Variants in CFAP36 observed in about 807,000 individuals in gnomAD.
The protein encoded by CFAP36 is cilia and flagella associated protein 36.
CFAP36 carries 37 observed loss-of-function variants against 50.5 expected under a neutral mutation model. That is an observed-to-expected ratio of 0.73 (90% CI 0.56 to 0.96). The LOEUF is 0.96. CFAP36 is among the 50% of genes least tolerant of loss of function. The pLI is 0.00. For missense variants in CFAP36, 407 were observed against 396.2 expected, an observed-to-expected ratio of 1.03 and a Z score of -0.23; for synonymous variants, 138 against 128.2, an observed-to-expected ratio of 1.08 and a Z score of -0.52.
At position 55,536,907 on chromosome 2, in the gene CFAP36, G is replaced by A. The variant is rs1396523963; in HGVS notation, c.538-576G>A. ...TTATAGGTGCCTGCCACCACTCTTG[G>A]CTAATTTTTGTACTTTTAGTAGACA... On this transcript the variant is annotated intron_variant, in intron 6 of 9. Transcript: ENST00000349456. Among the ~76,000 whole-genome samples the A allele has an allele frequency of 3.0e-5, 3 of 100,504 alleles. No individual in the cohort carries two copies. The East Asian group carries it at 6.6e-4, about 22-fold the overall frequency. The allele number at this position is 100,504 out of a possible 152,430, so 65.9% of individuals were successfully genotyped here.
At chr2:55,534,032 C>A in intron 5 of CFAP36, 72 bp downstream of exon 5, 1 of 825,880 alleles carries the variant, frequency 1.2e-6, no homozygotes, top group Non-Finnish European at 1.9e-6. Context: ...GCTTTTTGCC[C>A]AACAAATATG....
rs576310368 is a variant in CFAP36, at chr2:55,544,810, G to A, written c.928-97G>A. On this transcript the variant is annotated intron_variant, in intron 9 of 9. Coordinates refer to ENST00000349456, the MANE Select transcript of CFAP36 (RefSeq NM_080667.7). ...TGTCTCTCCCTCCGTCCCACAAGAA[G>A]GTGCCCCCGATTTTTGTTCATTTGA... 508 of 704,640 alleles carry A rather than the reference G, an allele frequency of 7.2e-4. 1 individual carries two copies. The highest frequency in any genetic ancestry group is 1.2e-4 in the Non-Finnish European group (52 of 416,360). 43.6% of individuals were successfully genotyped at this position (704,640 alleles called of 1,614,324 possible).
chr2:55,519,745 T>C lies in CFAP36; in HGVS notation c.-57T>C. On this transcript the variant is annotated 5_prime_UTR_variant, in exon 1 of 10. Transcript: ENST00000349456. Reference sequence around the variant, plus strand: ...CTCGGCTCCTTGTGGCCCAAAGGCCTAACCGGGGTCCGGCGGTCTGGCCTA... The same window carrying C: ...CTCGGCTCCTTGTGGCCCAAAGGCCCAACCGGGGTCCGGCGGTCTGGCCTA... 6.3e-7 allele frequency: 1 copy of C among 1,578,036 alleles called. No homozygotes were observed. Among genetic ancestry groups the C allele is most frequent in the Non-Finnish European group, 8.7e-7 (1 of 1,147,998 alleles).
chr2:55,538,217 T>C (rs1208883195), intron 7 of CFAP36, among the ~76,000 whole-genome samples: 11 of 152,184 alleles, frequency 7.2e-5, no homozygotes. Flanking sequence ...ATTCCTATGG[T>C]TTTAAATAAA....
At chr2:55,542,603 A>G (rs946862144) in intron 7 of CFAP36, among the ~76,000 whole-genome samples, 1 of 152,190 alleles carries the variant, frequency 6.6e-6, no homozygotes, top group Non-Finnish European at 1.5e-5. Flanking sequence ...GGCTTCAAGT[A>G]CTTTCCTTTC....
chr2:55,528,171 A>C (rs1445415782), intron 3 of CFAP36, among the ~76,000 whole-genome samples: 1 of 148,400 alleles, frequency 6.7e-6, no homozygotes, highest in Non-Finnish European at 1.5e-5. Context: ...TGTTTTATAG[A>C]ATTATAAGGA....
rs763080220 is a variant in CFAP36 at position 55,522,173 on chromosome 2, AT to A, written c.180+15del. 1.4e-4 allele frequency: 202 copies of A among 1,447,358 alleles called. No individual in the cohort carries two copies. Among genetic ancestry groups the A allele is most frequent in the African/African-American group, 4.0e-4 (28 of 70,230 alleles). The allele number at this position is 1,447,358 out of a possible 1,614,324, so 89.7% of individuals were successfully genotyped here. A position where few individuals can be genotyped will look rare whatever the true frequency, so the allele number is the denominator to read the frequency against. ...TCAGGAATACAAAGAACTAGTGAGT[AT>A]TTTTTTTCACTGATTTTTAAAAGTA... On this transcript the variant is annotated splice_region_variant and intron_variant, in intron 2 of 9. Coordinates refer to ENST00000349456, the MANE Select transcript of CFAP36 (RefSeq NM_080667.7).
At chr2:55,540,169 G>A (rs1684596980) in intron 7 of CFAP36, among the ~76,000 whole-genome samples, 1 of 152,140 alleles carries the variant, frequency 6.6e-6, no homozygotes, top group Non-Finnish European at 1.5e-5. Context: ...TTCATAGGGT[G>A]TGCCTTTGGT....
intron 7 of CFAP36, among the ~76,000 whole-genome samples, chr2:55,537,981 A>T (rs1039774670): frequency 2.4e-4 from 37 of 152,216 alleles, no homozygotes; most frequent in Admixed American, 2.0e-3. Flanking sequence ...TTTTCCAATG[A>T]ATTAAGTACA....
intron 8 of CFAP36, 37 bp downstream of exon 8, chr2:55,544,111 A>G (rs1178404630): frequency 6.2e-7 from 1 of 1,612,232 alleles, no homozygotes; most frequent in South Asian, 1.1e-5. Flanking sequence ...TATAAGCAAA[A>G]TGACAAGGTA....
intron 7 of CFAP36, chr2:55,539,362 A>G (rs1684575730): frequency 6.6e-6 from 1 of 152,366 alleles, no homozygotes. Flanking sequence ...AGTTGAAATC[A>G]TACAGTAGTA....
intron 1 of CFAP36, 127 bp downstream of exon 1, chr2:55,520,043 T>G (rs977575620): frequency 2.5e-6 from 2 of 798,746 alleles, no homozygotes; most frequent in Non-Finnish European, 4.1e-6. Flanking sequence ...TCGCAAGGTC[T>G]CGTTCCCCTC....
At chr2:55,536,094 T>C (rs1264643447) in intron 6 of CFAP36, among the ~76,000 whole-genome samples, 1 of 152,040 alleles carries the variant, frequency 6.6e-6, no homozygotes, top group Non-Finnish European at 1.5e-5. Flanking sequence ...TATACTTTTT[T>C]CTCCTTCTTT....
chr2:55,528,417 C>T (rs528106218), intron 3 of CFAP36, among the ~76,000 whole-genome samples: 10 of 149,364 alleles, frequency 6.7e-5, no homozygotes, highest in South Asian at 4.2e-4. Flanking sequence ...TTTTTTGAGA[C>T]GGAGTCTTGC....
At chr2:55,534,536 A>G (rs1684432846) in intron 5 of CFAP36, among the ~76,000 whole-genome samples, 1 of 152,224 alleles carries the variant, frequency 6.6e-6, no homozygotes. Flanking sequence ...CACAGAACTA[A>G]GAAATGGTAA....
chr2:55,535,106 G>T (rs1405563728), intron 5 of CFAP36, among the ~76,000 whole-genome samples: 2 of 152,198 alleles, frequency 1.3e-5, no homozygotes, highest in African/African-American at 2.4e-5. Flanking sequence ...AAACTGGTCA[G>T]CACTGTATTT....
At chr2:55,538,901 T>G (rs1321258484) in intron 7 of CFAP36, 4 of 1,470,016 alleles carry the variant, frequency 2.7e-6, no homozygotes, top group Non-Finnish European at 2.7e-6. Flanking sequence ...TTGAGATTAG[T>G]GTGATGTTTA....
chr2:55,539,483 A>G (rs1684578300), intron 7 of CFAP36: 1 of 152,116 alleles, frequency 6.6e-6, no homozygotes, highest in African/African-American at 2.4e-5. Context: ...ATAATATTCC[A>G]TTGTCTGGAT....
chr2:55,544,899 T>G lies in CFAP36; in HGVS notation c.928-8T>G, dbSNP rs773129445. 1 of 1,575,726 alleles carries G rather than the reference T, an allele frequency of 6.3e-7. No homozygotes were observed. The highest frequency in any genetic ancestry group is 2.2e-5 in the East Asian group (1 of 44,590). On this transcript the variant is annotated splice_polypyrimidine_tract_variant and splice_region_variant and intron_variant, in intron 9 of 9. Coordinates refer to ENST00000349456, the MANE Select transcript of CFAP36 (RefSeq NM_080667.7). ...CATACTGTAGCCAATTTTTTCTTTT[T>G]TTTTCAGGAAATGACAGAGAAACCA...
Sources: allele counts gnomAD v4.1 joint callset (sites outside exome capture counted in the v4.1 genomes callset), GRCh38; gene constraint gnomAD v4.1.1; transcripts MANE v1.5; gene names NCBI Gene and HGNC (gene_info 2026-07-23, HGNC 2026-07-21).